The following RBM19 variants were observed in gnomAD, a reference collection of about 807,000 sequenced individuals.
RBM19 encodes the protein probable RNA-binding protein 19.
Under a neutral mutation model 116.8 loss-of-function variants are expected in RBM19, and 94 were observed. That is an observed-to-expected ratio of 0.80 (90% CI 0.68 to 0.95). The LOEUF is 0.95. Ranked by LOEUF, RBM19 falls within the 40% of genes least tolerant of loss-of-function variation. The pLI is 0.00. For missense variants in RBM19, 1,161 were observed against 1,220.7 expected (o/e 0.95, Z 0.73); for synonymous variants, 475 against 494.1 (o/e 0.96, Z 0.51).
intron 16 of RBM19, among the ~76,000 whole-genome samples, chr12:113,934,358 G>A (rs1342283635): frequency 6.6e-6 from 1 of 152,270 alleles, no homozygotes; most frequent in Non-Finnish European, 1.5e-5. Context: ...AGAGAGGCAG[G>A]TGGCTTGGCC....
At chr12:113,844,813 T>C in intron 22 of RBM19, 25 bp from the exon 23 acceptor site, 3 of 1,596,556 alleles carry the variant, frequency 1.9e-6, no homozygotes, top group Non-Finnish European at 1.7e-6. Context: ...GAAACGAAAC[T>C]GCACATCAGC....
chr12:113,872,393 T>TGG (rs1481259008), intron 21 of RBM19, among the ~76,000 whole-genome samples: 4 of 123,740 alleles, frequency 3.2e-5, no homozygotes, highest in South Asian at 2.8e-4. Flanking sequence ...GGGAGGGAGG[T>TGG]GGGGGGGTCA....
At chr12:113,895,728 A>C (rs540670433) in intron 21 of RBM19, among the ~76,000 whole-genome samples, 2 of 152,258 alleles carry the variant, frequency 1.3e-5, no homozygotes, top group South Asian at 4.1e-4. Flanking sequence ...TCTTGGCCTT[A>C]AATTTTACTT....
intron 21 of RBM19, among the ~76,000 whole-genome samples, chr12:113,911,258 G>T (rs76906873): frequency 0.092 from 14,045 of 152,138 alleles, 757 homozygotes; most frequent in African/African-American, 0.13. Context: ...ATTTCCTTTT[G>T]GGGGATAAAG....
intron 15 of RBM19, among the ~76,000 whole-genome samples, chr12:113,937,845 G>A (rs1870212183): frequency 6.6e-6 from 1 of 151,998 alleles, no homozygotes. Flanking sequence ...GGCGGTTACT[G>A]GGGAGCTGCA....
intron 21 of RBM19, among the ~76,000 whole-genome samples, chr12:113,880,383 A>T (rs1880017753): frequency 6.6e-6 from 1 of 152,136 alleles, no homozygotes; most frequent in Admixed American, 6.5e-5. Context: ...TCCTGCCTAC[A>T]TCTGTAAAGA....
intron 21 of RBM19, among the ~76,000 whole-genome samples, chr12:113,885,444 T>G (rs1300742211): frequency 6.6e-6 from 1 of 152,324 alleles, no homozygotes; most frequent in South Asian, 2.1e-4. Flanking sequence ...GAAAATGGAA[T>G]GTAACGTGTG....
chr12:113,947,845 C>A (rs1180960276), intron 10 of RBM19, among the ~76,000 whole-genome samples: 1 of 150,056 alleles, frequency 6.7e-6, no homozygotes, highest in Non-Finnish European at 1.5e-5. Context: ...TAAAGCACAC[C>A]CTTTCTGCAT....
At chr12:113,870,667 AG>A (rs1299911580) in intron 21 of RBM19, among the ~76,000 whole-genome samples, 2 of 152,150 alleles carry the variant, frequency 1.3e-5, no homozygotes, top group African/African-American at 4.8e-5. Context: ...AGGGTTTTGC[AG>A]GGATCAAGGG....
At chr12:113,919,792 C>T (rs966775289) in intron 19 of RBM19, among the ~76,000 whole-genome samples, 5 of 152,062 alleles carry the variant, frequency 3.3e-5, no homozygotes, top group Non-Finnish European at 5.9e-5. Flanking sequence ...TTCTCCCCAC[C>T]TTCTCCCCAA....
chr12:113,856,687 A>G (rs1479824075), intron 22 of RBM19, among the ~76,000 whole-genome samples: 2 of 152,164 alleles, frequency 1.3e-5, no homozygotes, highest in African/African-American at 4.8e-5. Context: ...GGGTGAGAAA[A>G]GAGGCCCAGT....
chr12:113,844,831 G>A (rs1876818124), intron 22 of RBM19, 43 bp from the exon 23 acceptor site: 2 of 1,554,990 alleles, frequency 1.3e-6, no homozygotes, highest in African/African-American at 2.7e-5. Context: ...AGCTGGATCA[G>A]TGCGGCAGAC....
At chr12:113,830,003 A>G (rs893677762) in intron 23 of RBM19, among the ~76,000 whole-genome samples, 14 of 152,142 alleles carry the variant, frequency 9.2e-5, no homozygotes, top group Non-Finnish European at 1.5e-4. Context: ...AGGCAACATC[A>G]TTGTCCCACT....
Position 113,903,328 on chromosome 12 carries a change from A to G in RBM19, c.2558+11641T>C, listed in dbSNP as rs1436867038. On this transcript the variant is annotated intron_variant, in intron 21 of 23. Coordinates refer to ENST00000261741, the MANE Select transcript of RBM19 (RefSeq NM_016196.4). The surrounding 1 kb of genome is among the most constrained non-coding windows in gnomAD (Gnocchi z 5.1). ...TTCTTTCACTCAGCATCATGTTTTC[A>G]AATCCACGTTATCAGTAGTCCATTC... Among the ~76,000 whole-genome samples the G allele has an allele frequency of 6.6e-6, 1 of 152,236 alleles. No individual in the cohort carries two copies. Among genetic ancestry groups the G allele is most frequent in the Non-Finnish European group, 1.5e-5 (1 of 68,048 alleles).
intron 23 of RBM19, among the ~76,000 whole-genome samples, chr12:113,840,514 G>T (rs1177334746): frequency 6.6e-6 from 1 of 152,220 alleles, no homozygotes; most frequent in Non-Finnish European, 1.5e-5. Context: ...TCTCTGTCTG[G>T]TCCCTCCACA....
chr12:113,882,985 G>GA (rs1880254621), intron 21 of RBM19, among the ~76,000 whole-genome samples: 1 of 152,120 alleles, frequency 6.6e-6, no homozygotes, highest in African/African-American at 2.4e-5. Flanking sequence ...GGGATGCCTT[G>GA]AAAAAATTGC....
At chr12:113,854,503 C>A (rs1449299053) in intron 22 of RBM19, among the ~76,000 whole-genome samples, 2 of 152,124 alleles carry the variant, frequency 1.3e-5, no homozygotes, top group African/African-American at 4.8e-5. Flanking sequence ...CTTCCCTCCA[C>A]ATGTGGGGAA....
intron 18 of RBM19, among the ~76,000 whole-genome samples, chr12:113,922,888 CT>C (rs1868716774): frequency 6.6e-6 from 1 of 152,210 alleles, no homozygotes; most frequent in African/African-American, 2.4e-5. Context: ...AATACCAGCA[CT>C]TTGGGAGGCC....
chr12:113,947,603 C>G (rs1400411096), intron 10 of RBM19, 139 bp from the exon 11 acceptor site: 5 of 887,818 alleles, frequency 5.6e-6, no homozygotes, highest in Non-Finnish European at 8.1e-6. Flanking sequence ...TCTATCCTAA[C>G]AGCAACAATA....
Sources: gnomAD v4.1 joint callset for allele counts (sites outside exome capture counted in the v4.1 genomes callset) on GRCh38, gnomAD v4.1.1 for gene constraint, Gnocchi (gnomAD v3.1) non-coding constraint, MANE v1.5 for transcripts, NCBI Gene and HGNC (gene_info 2026-07-23, HGNC 2026-07-21) for gene names.